REEP1: variants seen among roughly 807,000 people sequenced by gnomAD.
The protein encoded by REEP1 is receptor accessory protein 1, also known as receptor expression-enhancing protein 1.
A neutral mutation model predicts 40.3 loss-of-function variants in REEP1; 22 were observed. The observed-to-expected ratio is 0.55, with a 90% CI of 0.39 to 0.78. The LOEUF (loss-of-function observed/expected upper bound fraction) is 0.78. Among genes scored for constraint, REEP1 ranks in the 30% least tolerant of loss-of-function variants. REEP1 has a pLI of 0.00. For missense variants in REEP1, 280 were observed against 361.1 expected (o/e 0.78, Z 1.82); for synonymous variants, 116 against 139.2 (o/e 0.83, Z 1.17).
Position 86,232,815 on chromosome 2 carries a change from C to T in REEP1, c.418-13G>A, listed in dbSNP as rs548141046. On this transcript the variant is annotated splice_polypyrimidine_tract_variant and intron_variant, in intron 5 of 8. Coordinates refer to ENST00000538924, the MANE Select transcript of REEP1 (RefSeq NM_001371279.1). ...AGGCACCCTGTCCCTGGATACAACA[C>T]AGGAGGGGCACACGTCAGAGGTCCT... 23 of 1,598,706 alleles carry T rather than the reference C, an allele frequency of 1.4e-5. No individual in the cohort carries two copies. In the African/African-American group the frequency reaches 1.7e-4, roughly 12 times the overall value.
At chr2:86,242,706 G>A (rs1675728036) in intron 5 of REEP1, among the ~76,000 whole-genome samples, 1 of 152,176 alleles carries the variant, frequency 6.6e-6, no homozygotes, top group African/African-American at 2.4e-5. Flanking sequence ...GAGAGGTAAG[G>A]AGAGACAAGA....
At chr2:86,325,261 T>A (rs1262730275) in intron 1 of REEP1, among the ~76,000 whole-genome samples, 7 of 152,140 alleles carry the variant, frequency 4.6e-5, no homozygotes, top group Admixed American at 2.0e-4. Flanking sequence ...AAAAAAATTT[T>A]AAAAAAGATA....
chr2:86,235,420 C>T (rs1362122902), intron 5 of REEP1, among the ~76,000 whole-genome samples: 1 of 152,216 alleles, frequency 6.6e-6, no homozygotes, highest in East Asian at 1.9e-4. Context: ...ATACCCATCA[C>T]ATAGCCCATT....
intron 7 of REEP1, among the ~76,000 whole-genome samples, chr2:86,222,290 C>A (rs530569122): frequency 6.6e-6 from 1 of 152,244 alleles, no homozygotes; most frequent in South Asian, 2.1e-4. Context: ...GGTTCAAGGA[C>A]AACCCAGATA....
At chr2:86,288,013 T>C (rs1678487943) in intron 1 of REEP1, among the ~76,000 whole-genome samples, 1 of 151,578 alleles carries the variant, frequency 6.6e-6, no homozygotes, top group Non-Finnish European at 1.5e-5. Context: ...TTTTTAAAAT[T>C]ATTTATTTTA....
Position 86,232,820 on chromosome 2 carries a change from G to C in REEP1, c.418-18C>G, listed in dbSNP as rs766936731. On this transcript the variant is annotated intron_variant, in intron 5 of 8. Transcript: ENST00000538924. ...CCCTGTCCCTGGATACAACACAGGA[G>C]GGGCACACGTCAGAGGTCCTGCTCC... is the stretch of plus-strand genomic sequence containing the variant. 6.3e-7 allele frequency: 1 copy of C among 1,597,904 alleles called. No individual in the cohort carries two copies. Among genetic ancestry groups the C allele is most frequent in the Admixed American group, 1.7e-5 (1 of 59,904 alleles).
chr2:86,308,555 G>GT (rs1377537095), intron 1 of REEP1, among the ~76,000 whole-genome samples: 1 of 152,142 alleles, frequency 6.6e-6, no homozygotes, highest in African/African-American at 2.4e-5. Flanking sequence ...TGGTAGAGGA[G>GT]TAACAACTAG....
chr2:86,235,009 C>T (rs1675236326), intron 5 of REEP1, among the ~76,000 whole-genome samples: 1 of 152,150 alleles, frequency 6.6e-6, no homozygotes, highest in South Asian at 2.1e-4. Flanking sequence ...AAGTGAGTAA[C>T]TCAATGTTAG....
chr2:86,216,735 C>G lies in REEP1; in HGVS notation c.*304G>C. On this transcript the variant is annotated 3_prime_UTR_variant, in exon 9 of 9. Transcript: ENST00000538924. ...AGCAGCATAGGGGTGATTCTCTTATCTTTCTAAAAAACACACTGCTGTCTA... is the reference window on the plus strand; with the variant it reads ...AGCAGCATAGGGGTGATTCTCTTATGTTTCTAAAAAACACACTGCTGTCTA... The G allele has an allele frequency of 2.9e-6, 1 of 343,080 alleles. No individual in the cohort carries two copies. Among genetic ancestry groups the G allele is most frequent in the East Asian group, 5.5e-5 (1 of 18,084 alleles). The allele number at this position is 343,080 out of a possible 1,614,324, so 21.3% of individuals were successfully genotyped here. A position where few individuals can be genotyped will look rare whatever the true frequency, so the allele number is the denominator to read the frequency against.
chr2:86,307,606 T>G (rs1008905125), intron 1 of REEP1, among the ~76,000 whole-genome samples: 1 of 151,788 alleles, frequency 6.6e-6, no homozygotes, highest in African/African-American at 2.4e-5. Context: ...ACAAAAAATG[T>G]AAAAATCAGC....
At chr2:86,326,020 G>A (rs1680483778) in intron 1 of REEP1, among the ~76,000 whole-genome samples, 1 of 152,172 alleles carries the variant, frequency 6.6e-6, no homozygotes, top group African/African-American at 2.4e-5. Context: ...TCATATGTGA[G>A]ATGTACCACT....
chr2:86,317,865 T>G (rs1201449008), intron 1 of REEP1, among the ~76,000 whole-genome samples: 1 of 152,214 alleles, frequency 6.6e-6, no homozygotes, highest in Non-Finnish European at 1.5e-5. Context: ...TGTGCTGAAT[T>G]ATCCGCTTTT....
intron 1 of REEP1, among the ~76,000 whole-genome samples, chr2:86,291,815 T>A (rs1678715829): frequency 1.3e-5 from 2 of 152,198 alleles, no homozygotes; most frequent in South Asian, 2.1e-4. Context: ...CTGTCTGTAA[T>A]GTGTGCTGCA....
chr2:86,323,320 T>C (rs1225303513), intron 1 of REEP1, among the ~76,000 whole-genome samples: 1 of 152,266 alleles, frequency 6.6e-6, no homozygotes, highest in Non-Finnish European at 1.5e-5. Flanking sequence ...CACATAACTC[T>C]AAGCTAATTC....
At chr2:86,263,937 G>A (rs1267989355) in intron 3 of REEP1, 28 bp downstream of exon 3, 2 of 1,580,046 alleles carry the variant, frequency 1.3e-6, no homozygotes, top group Admixed American at 1.7e-5. Context: ...ATTGTCCTTA[G>A]AAACATCCCA....
In REEP1 at chr2:86,337,397, G is replaced by T. The variant is rs990042378; in HGVS notation, c.32+82C>A. 5 of 962,754 alleles carry T rather than the reference G, an allele frequency of 5.2e-6. No individual in the cohort carries two copies. Among genetic ancestry groups the T allele is most frequent in the Middle Eastern group, 3.9e-4 (1 of 2,544 alleles). The allele number at this position is 962,754 out of a possible 1,614,324, so 59.6% of individuals were successfully genotyped here. The stretch of plus-strand genomic sequence containing the variant: ...ATTAATAGCCCGAGCCACTGGGACC[G>T]GGCGCTGTAGGGGCGCGCGCAGCCC... On this transcript the variant is annotated intron_variant, in intron 1 of 8. Coordinates refer to ENST00000538924, the MANE Select transcript of REEP1 (RefSeq NM_001371279.1). The surrounding 1 kb of genome is among the most constrained non-coding windows in gnomAD (Gnocchi z 5.8).
intron 5 of REEP1, among the ~76,000 whole-genome samples, chr2:86,239,105 A>T (rs1320649710): frequency 6.7e-6 from 1 of 149,310 alleles, no homozygotes; most frequent in Non-Finnish European, 1.5e-5. Flanking sequence ...AAATCAGTAC[A>T]ATTTAATTTT....
At chr2:86,301,960 C>G (rs563648134) in intron 1 of REEP1, among the ~76,000 whole-genome samples, 1 of 152,350 alleles carries the variant, frequency 6.6e-6, no homozygotes, top group African/African-American at 2.4e-5. Flanking sequence ...TGACCTCCCC[C>G]CACCATGACA....
At chr2:86,292,502 T>C (rs1353109664) in intron 1 of REEP1, among the ~76,000 whole-genome samples, 1 of 152,208 alleles carries the variant, frequency 6.6e-6, no homozygotes, top group Non-Finnish European at 1.5e-5. Context: ...GAGTCTGTTT[T>C]GAAGAAGAGA....
Sources: allele counts gnomAD v4.1 joint callset (sites outside exome capture counted in the v4.1 genomes callset), GRCh38; gene constraint gnomAD v4.1.1; non-coding constraint Gnocchi (gnomAD v3.1); transcripts MANE v1.5; gene names NCBI Gene and HGNC (gene_info 2026-07-23, HGNC 2026-07-21).